Variants in PLEKHS1 observed in about 807,000 individuals in gnomAD.
PLEKHS1 encodes the protein pleckstrin homology domain-containing family S member 1.
Under a neutral mutation model 51.0 loss-of-function variants are expected in PLEKHS1, and 55 were observed. The ratio of observed to expected loss-of-function variants is 1.08; its 90% CI spans 0.87 to 1.35. The LOEUF (loss-of-function observed/expected upper bound fraction) is 1.35, where lower values mean the gene tolerates loss of function less well. PLEKHS1 is among the 40% of genes most tolerant of loss of function. PLEKHS1 has a pLI of 0.00. For missense variants in PLEKHS1, 398 were observed against 423.0 expected, an observed-to-expected ratio of 0.94 and a Z score of 0.52; for synonymous variants, 153 against 144.8, an observed-to-expected ratio of 1.06 and a Z score of -0.41.
chr10:113,778,698 C>CT (rs566968431), intron 11 of PLEKHS1, among the ~76,000 whole-genome samples: 22 of 138,444 alleles, frequency 1.6e-4, no homozygotes, highest in Admixed American at 6.0e-4. Context: ...GGCTGGAGTG[C>CT]AGTGGCGCAA....
At chr10:113,759,325 A>G (rs1843812847) in intron 2 of PLEKHS1, among the ~76,000 whole-genome samples, 1 of 152,176 alleles carries the variant, frequency 6.6e-6, no homozygotes, top group Non-Finnish European at 1.5e-5. Flanking sequence ...AATCACCTGA[A>G]CTGGGAGGCA....
intron 10 of PLEKHS1, among the ~76,000 whole-genome samples, 182 bp from the exon 11 acceptor site, chr10:113,775,583 C>T (rs533348158): frequency 1.1e-4 from 16 of 152,262 alleles, no homozygotes; most frequent in East Asian, 9.6e-4. Context: ...GCCTACCATC[C>T]GCTACCACAT....
chr10:113,771,656 CAG>C lies in PLEKHS1; in HGVS notation c.553-311_553-310del, dbSNP rs550570585. 1.4e-4 allele frequency among the ~76,000 whole-genome samples: 16 copies of C among 115,118 alleles called. No homozygotes were observed. The South Asian group carries it at 4.6e-3, about 33-fold the overall frequency. The allele number at this position is 115,118 out of a possible 152,430, so 75.5% of individuals were successfully genotyped here. A position where few individuals can be genotyped will look rare whatever the true frequency, so the allele number is the denominator to read the frequency against. ...CGCCACTGCACTCCAGCCTGGGGGA[CAG>C]AGTGAGACTCTGTCTCAAAAAAAAA... is the stretch of plus-strand genomic sequence containing the variant. On this transcript the variant is annotated intron_variant, in intron 7 of 11. Coordinates refer to ENST00000361048, the Ensembl canonical transcript of PLEKHS1.
chr10:113,759,728 C>T (rs1019868432), intron 2 of PLEKHS1, among the ~76,000 whole-genome samples: 6 of 152,022 alleles, frequency 3.9e-5, no homozygotes, highest in African/African-American at 1.5e-4. Context: ...TATTATAAAG[C>T]TAATATGAAC....
chr10:113,780,871 G>A (rs368264846), exon 12 of PLEKHS1: 15 of 1,205,502 alleles, frequency 1.2e-5, no homozygotes, highest in East Asian at 5.1e-5. Flanking sequence ...GGAGACAGTC[G>A]GCACCCCCCT....
At chr10:113,766,350 T>C (rs1844159130) in intron 2 of PLEKHS1, 61 bp from the exon 3 acceptor site, 8 of 1,014,490 alleles carry the variant, frequency 7.9e-6, no homozygotes, top group South Asian at 4.2e-5. Flanking sequence ...TGTTTTCCAA[T>C]TGAGGCAGTT....
At chr10:113,776,419 A>C (rs2134576587) in intron 11 of PLEKHS1, among the ~76,000 whole-genome samples, 1 of 152,338 alleles carries the variant, frequency 6.6e-6, no homozygotes, top group African/African-American at 2.4e-5. Context: ...ATTTATTTTG[A>C]TGGAAGATTT....
At chr10:113,758,104 C>G (rs1338411551) in intron 2 of PLEKHS1, among the ~76,000 whole-genome samples, 1 of 152,196 alleles carries the variant, frequency 6.6e-6, no homozygotes, top group Non-Finnish European at 1.5e-5. Flanking sequence ...TTCCTCCAGA[C>G]TCCTGTTGAT....
intron 2 of PLEKHS1, among the ~76,000 whole-genome samples, chr10:113,758,024 T>A (rs1393453750): frequency 6.6e-6 from 1 of 152,166 alleles, no homozygotes; most frequent in African/African-American, 2.4e-5. Flanking sequence ...TTTCACCACA[T>A]CTGCAGTGAC....
chr10:113,756,955 C>T (rs897424093), intron 2 of PLEKHS1, among the ~76,000 whole-genome samples: 6 of 125,498 alleles, frequency 4.8e-5, no homozygotes, highest in Admixed American at 3.2e-4. Context: ...CTCACTCTGT[C>T]GCTCAGGCTG....
At chr10:113,782,470 C>T (rs1363925950), downstream of PLEKHS1, 1 of 152,224 alleles carries the variant, frequency 6.6e-6, no homozygotes, top group South Asian at 2.1e-4. Context: ...AATCCCATGT[C>T]GAGCTGTGGT....
chr10:113,751,684 A>C (rs1210127516), exon 1 of PLEKHS1: 1 of 152,242 alleles, frequency 6.6e-6, no homozygotes, highest in African/African-American at 2.4e-5. Flanking sequence ...CAAGGCTCAG[A>C]GTCAGCAGGA....
At chr10:113,774,149 G>A in intron 8 of PLEKHS1, 78 bp from the exon 9 acceptor site, 3 of 822,582 alleles carry the variant, frequency 3.6e-6, no homozygotes, top group Non-Finnish European at 6.0e-6. Flanking sequence ...AGAGCCCAGA[G>A]CTGTTAATAC....
chr10:113,769,936 C>T (rs762237449), intron 7 of PLEKHS1, 36 bp downstream of exon 7: 2 of 1,468,578 alleles, frequency 1.4e-6, no homozygotes, highest in Non-Finnish European at 1.9e-6. Flanking sequence ...GACACCACAC[C>T]TGGGAGGCAG....
At chr10:113,775,076 A>G (rs375057243) in intron 10 of PLEKHS1, 41 bp downstream of exon 10, 6 of 1,531,308 alleles carry the variant, frequency 3.9e-6, no homozygotes, top group African/African-American at 2.8e-5. Context: ...CCCTAAGAGC[A>G]AGGCAGCCTC....
intron 7 of PLEKHS1, among the ~76,000 whole-genome samples, chr10:113,771,676 A>AAG: frequency 6.8e-6 from 1 of 147,314 alleles, no homozygotes; most frequent in Non-Finnish European, 1.5e-5. Flanking sequence ...CTCTGTCTCA[A>AAG]AAAAAAAAAA....
chr10:113,764,807 G>C (rs943264175), intron 2 of PLEKHS1: 1 of 152,422 alleles, frequency 6.6e-6, no homozygotes, highest in East Asian at 1.9e-4. Context: ...TATGTTGTTA[G>C]TTACAGTTGC....
chr10:113,762,133 A>T (rs1252618496), intron 2 of PLEKHS1, among the ~76,000 whole-genome samples: 1 of 151,950 alleles, frequency 6.6e-6, no homozygotes, highest in Non-Finnish European at 1.5e-5. Context: ...TATCCTTTTA[A>T]TATCAGTAGA....
chr10:113,768,986 G>C, intron 6 of PLEKHS1, 96 bp downstream of exon 6: 2 of 797,516 alleles, frequency 2.5e-6, no homozygotes. Flanking sequence ...CTTAGTAACT[G>C]GCTTTAATAC....
Sources: gnomAD v4.1 joint callset for allele counts (sites outside exome capture counted in the v4.1 genomes callset) on GRCh38, gnomAD v4.1.1 for gene constraint, MANE v1.5 for transcripts, NCBI Gene and HGNC (gene_info 2026-07-23, HGNC 2026-07-21) for gene names.